The following CRACD variants were observed in gnomAD, a reference collection of about 807,000 sequenced individuals.
CRACD encodes the protein capping protein inhibiting regulator of actin dynamics, also known as capping protein-inhibiting regulator of actin dynamics.
In CRACD, 56 loss-of-function variants were observed where a neutral mutation model predicts 106.8. The observed-to-expected ratio is 0.52, with a 90% CI of 0.42 to 0.66. The LOEUF is 0.66. Ranked by LOEUF, CRACD falls within the 30% of genes least tolerant of loss-of-function variation. The pLI, the probability that CRACD is intolerant of heterozygous loss-of-function variation, is 0.00. For synonymous variants in CRACD, 754 were observed against 670.8 expected, an observed-to-expected ratio of 1.12 and a Z score of -1.92; for missense variants, 1,730 against 1,623.2, an observed-to-expected ratio of 1.07 and a Z score of -1.13.
intron 2 of CRACD, among the ~76,000 whole-genome samples, chr4:56,231,894 A>G (rs768111924): frequency 5.3e-5 from 8 of 152,378 alleles, no homozygotes; most frequent in Non-Finnish European, 7.3e-5. Flanking sequence ...ACAAGCAGCT[A>G]TAAAATGGAC....
At chr4:56,146,722 A>G (rs1337550489) in intron 1 of CRACD, among the ~76,000 whole-genome samples, 1 of 152,160 alleles carries the variant, frequency 6.6e-6, no homozygotes, top group African/African-American at 2.4e-5. Context: ...ATTGAGATAG[A>G]ATTTATACAC....
rs768857064 is a variant in CRACD, at chr4:56,328,427, C to T, written c.*623C>T. The T allele has an allele frequency of 9.6e-6, 5 of 518,198 alleles. No individual in the cohort carries two copies. The highest frequency in any genetic ancestry group is 1.9e-5 in the Admixed American group (1 of 51,514). 32.1% of individuals were successfully genotyped at this position (518,198 alleles called of 1,614,324 possible). On this transcript the variant is annotated 3_prime_UTR_variant, in exon 11 of 11. Transcript: ENST00000682029. Reference sequence around the variant, plus strand: ...AAGGCACATCCATTCACATTTTTACCGCACTGTGGATTCATAGTGTGGGGC... The same window carrying T: ...AAGGCACATCCATTCACATTTTTACTGCACTGTGGATTCATAGTGTGGGGC...
At position 56,314,175 on chromosome 4, in the gene CRACD, G is replaced by C. The variant is rs1299286525; in HGVS notation, c.673G>C (p.Glu225Gln). The C allele has an allele frequency of 2.5e-5, 40 of 1,613,522 alleles. No individual in the cohort carries two copies. The highest frequency in any genetic ancestry group is 3.4e-5 in the Non-Finnish European group (40 of 1,179,756). Residue 225 changes from glutamate (E) to glutamine (Q), a missense_variant, in exon 8 of 11, where the codon GAA (glutamate) becomes CAA (glutamine). This residue lies in a region of CRACD where 1,620 missense variants were observed against 1,481.6 expected (regional missense o/e 1.09). Coordinates refer to ENST00000682029, the MANE Select transcript of CRACD (RefSeq NM_001393381.1). This position sits in a 1 kb window ranked among gnomAD's most constrained non-coding sequence, Gnocchi z 4.4. ...TTCCGAGGAAGAGAGAAGACGCCAA[G>C]AAGACTACTGGCGAGAACTGGAGGC... Reference protein sequence around the residue: ...LDSEEERRRQEDYWRELEAKC... With the variant: ...LDSEEERRRQQDYWRELEAKC...
intron 1 of CRACD, among the ~76,000 whole-genome samples, chr4:56,124,399 A>T (rs1193701001): frequency 6.6e-6 from 1 of 152,204 alleles, no homozygotes; most frequent in Non-Finnish European, 1.5e-5. Context: ...TTTAAAGCAA[A>T]TTCTAGACAT....
At chr4:56,148,062 G>A (rs995329140) in intron 1 of CRACD, among the ~76,000 whole-genome samples, 65 of 152,266 alleles carry the variant, frequency 4.3e-4, no homozygotes, top group African/African-American at 1.5e-3. Context: ...GTGGCTGTCT[G>A]CAAGCCAAGG....
At chr4:56,065,441 G>A (rs1378220345) in intron 1 of CRACD, among the ~76,000 whole-genome samples, 2 of 152,096 alleles carry the variant, frequency 1.3e-5, no homozygotes, top group Non-Finnish European at 2.9e-5. Context: ...TTCACCACCT[G>A]CCCTCTGTAG....
rs527665539 is a variant in CRACD at position 56,261,358 on chromosome 4, C to CTTT, written c.-188-10961_-188-10960insTTT. Among the ~76,000 whole-genome samples the CTTT allele has an allele frequency of 5.4e-3, 609 of 112,740 alleles. 24 individuals are homozygous for CTTT. Among genetic ancestry groups the CTTT allele is most frequent in the African/African-American group, 0.014 (391 of 28,552 alleles). The allele number at this position is 112,740 out of a possible 152,430, so 74.0% of individuals were successfully genotyped here. Reference sequence around the variant, plus strand: ...TCCGCCTCTGTTACTGCTTCTTCTTCTTCTTTTTTTTTTTTTTGAGACAGA... The same window carrying CTTT: ...TCCGCCTCTGTTACTGCTTCTTCTTCTTTTTCTTTTTTTTTTTTTTGAGACAGA... On this transcript the variant is annotated intron_variant, in intron 2 of 10. Coordinates refer to ENST00000682029, the MANE Select transcript of CRACD (RefSeq NM_001393381.1).
chr4:56,078,397 C>T (rs909701065), intron 1 of CRACD, among the ~76,000 whole-genome samples: 14 of 151,870 alleles, frequency 9.2e-5, no homozygotes, highest in African/African-American at 2.4e-4. Flanking sequence ...AACAGGATAC[C>T]ATTTGGTCCC....
chr4:56,176,568 A>G (rs950473357), intron 1 of CRACD, among the ~76,000 whole-genome samples: 1 of 151,870 alleles, frequency 6.6e-6, no homozygotes, highest in African/African-American at 2.4e-5. Context: ...AGCTGGGACT[A>G]CAGGCACCCA....
intron 2 of CRACD, among the ~76,000 whole-genome samples, chr4:56,229,442 C>T (rs1158037850): frequency 6.6e-6 from 1 of 152,190 alleles, no homozygotes; most frequent in Non-Finnish European, 1.5e-5. Flanking sequence ...AATATTCTGG[C>T]ACCTTGATCT....
At chr4:56,194,706 C>T (rs1737527334) in intron 2 of CRACD, among the ~76,000 whole-genome samples, 1 of 152,192 alleles carries the variant, frequency 6.6e-6, no homozygotes, top group South Asian at 2.1e-4. Context: ...TGGACCCTCA[C>T]CAGACACCAA....
At chr4:56,229,247 G>C (rs993014159) in intron 2 of CRACD, among the ~76,000 whole-genome samples, 2 of 152,170 alleles carry the variant, frequency 1.3e-5, no homozygotes, top group African/African-American at 4.8e-5. Context: ...AGAAGGTGGG[G>C]CCTTTCGGAG....
At chr4:56,123,135 C>T (rs749738201) in intron 1 of CRACD, among the ~76,000 whole-genome samples, 19 of 152,146 alleles carry the variant, frequency 1.2e-4, no homozygotes, top group East Asian at 7.7e-4. Context: ...ATATGATCAA[C>T]GGATAAATGT....
At chr4:56,166,159 A>G (rs1049399288) in intron 1 of CRACD, among the ~76,000 whole-genome samples, 4 of 152,176 alleles carry the variant, frequency 2.6e-5, no homozygotes, top group African/African-American at 7.2e-5. Context: ...CCCAGCTGGA[A>G]ATATAAATTA....
chr4:56,108,929 A>T (rs1055422511), intron 1 of CRACD, among the ~76,000 whole-genome samples: 1 of 152,208 alleles, frequency 6.6e-6, no homozygotes, highest in Non-Finnish European at 1.5e-5. Flanking sequence ...GAAGCACAGC[A>T]CCACAGGGAG....
Position 56,314,118 on chromosome 4 carries a change from A to C in CRACD, c.616A>C (p.Thr206Pro), listed in dbSNP as rs532862296. 37 of 1,614,212 alleles carry C rather than the reference A, an allele frequency of 2.3e-5. No homozygotes were observed. Among genetic ancestry groups the C allele is most frequent in the Non-Finnish European group, 3.1e-5 (37 of 1,180,046 alleles). The part of the protein sequence containing the change: ...QNGHPGEDKP[T>P]WHEEEPNPLD... ...CGGACACCCAGGCGAGGACAAGCCA[A>C]CGTGGCACGAAGAGGAACCCAATCC... Residue 206 changes from threonine (T) to proline (P), a missense_variant, in exon 8 of 11, where the codon ACG becomes CCG. By Grantham distance (38) the Thr-to-Pro change is conservative. Around this residue, in one of 5 missense-constraint regions of CRACD, gnomAD observed 1,620 missense variants for 1,481.6 expected, o/e 1.09. Coordinates refer to ENST00000682029, the MANE Select transcript of CRACD (RefSeq NM_001393381.1). This position sits in a 1 kb window ranked among gnomAD's most constrained non-coding sequence, Gnocchi z 4.4.
chr4:56,327,686 A>G lies in CRACD; in HGVS notation c.3584A>G (p.Glu1195Gly). The G allele has an allele frequency of 6.2e-7, 1 of 1,614,134 alleles. No individual in the cohort carries two copies. Among genetic ancestry groups the G allele is most frequent in the Non-Finnish European group, 8.5e-7 (1 of 1,180,004 alleles). Residue 1195 changes from glutamate to glycine, a missense_variant, in exon 11 of 11, where the codon GAA becomes GGA. Around this residue, in one of 5 missense-constraint regions of CRACD, gnomAD observed 89 missense variants for 89.6 expected, o/e 0.99. Transcript: ENST00000682029. ...GCTCCCCCAGCGCCGCTGGTAAAAGAAGTCACCAAGAGGTTTTCCACCCCG... is the reference window on the plus strand; with the variant it reads ...GCTCCCCCAGCGCCGCTGGTAAAAGGAGTCACCAAGAGGTTTTCCACCCCG... The part of the protein sequence containing the change: ...DSAPPAPLVK[E>G]VTKRFSTPDA...
In CRACD at chr4:56,327,955, G is replaced by C. The variant is rs146789707; in HGVS notation, c.*151G>C. ...AATAATGTTTAGAAACTGAACTGGT[G>C]GTGTTCATTGTAAAGAGTGGATTTG... On this transcript the variant is annotated 3_prime_UTR_variant, in exon 11 of 11. Transcript: ENST00000682029. 7,550 of 674,014 alleles carry C rather than the reference G, an allele frequency of 0.011. 56 individuals are homozygous for C. The highest frequency in any genetic ancestry group is 0.013 in the Non-Finnish European group (5,320 of 419,558). The allele number at this position is 674,014 out of a possible 1,614,324, so 41.8% of individuals were successfully genotyped here. A position where few individuals can be genotyped will look rare whatever the true frequency, so the allele number is the denominator to read the frequency against.
chr4:56,284,863 C>A (rs1364853078), intron 3 of CRACD, among the ~76,000 whole-genome samples: 8 of 152,146 alleles, frequency 5.3e-5, no homozygotes, highest in Admixed American at 5.2e-4. Flanking sequence ...CAAAGAGATT[C>A]CTGAGGGACA....
Sources: allele counts gnomAD v4.1 joint callset (sites outside exome capture counted in the v4.1 genomes callset), GRCh38; gene constraint gnomAD v4.1.1; regional missense constraint gnomAD v4.1.1; non-coding constraint Gnocchi (gnomAD v3.1); transcripts MANE v1.5; gene names NCBI Gene and HGNC (gene_info 2026-07-23, HGNC 2026-07-21).